Variants in MAPK10 observed in about 807,000 individuals in gnomAD.
MAPK10 encodes the protein JNK3 alpha protein kinase.
In MAPK10, 25 loss-of-function variants were observed where a neutral mutation model predicts 59.3. The ratio of observed to expected loss-of-function variants is 0.42; its 90% CI spans 0.31 to 0.59. The LOEUF (loss-of-function observed/expected upper bound fraction) is 0.59, where lower values mean the gene tolerates loss of function less well. Among genes scored for constraint, MAPK10 ranks in the 20% least tolerant of loss-of-function variants. The pLI is 0.15. For missense variants in MAPK10, 351 were observed against 568.9 expected, an observed-to-expected ratio of 0.62 and a Z score of 3.90; for synonymous variants, 190 against 200.5, an observed-to-expected ratio of 0.95 and a Z score of 0.44.
chr4:86,065,538 T>A (rs1194863108), intron 10 of MAPK10: 3 of 152,196 alleles, frequency 2.0e-5, no homozygotes, highest in African/African-American at 4.8e-5. Context: ...AATATGTAAA[T>A]TTTTTAAATT....
intron 1 of MAPK10, among the ~76,000 whole-genome samples, chr4:86,374,616 A>C (rs1211727084): frequency 1.3e-5 from 2 of 152,204 alleles, no homozygotes; most frequent in Non-Finnish European, 2.9e-5. Flanking sequence ...TGGCATACAC[A>C]GCTTTTTAAA....
At chr4:86,271,675 T>G (rs1157929923) in intron 2 of MAPK10, among the ~76,000 whole-genome samples, 2 of 151,966 alleles carry the variant, frequency 1.3e-5, no homozygotes, top group East Asian at 3.9e-4. Context: ...TTGGGAGGCC[T>G]CAGGAATCTT....
intron 1 of MAPK10, among the ~76,000 whole-genome samples, chr4:86,525,956 T>C (rs1011290237): frequency 1.3e-5 from 2 of 152,128 alleles, no homozygotes; most frequent in Non-Finnish European, 2.9e-5. Flanking sequence ...GGCAATAGCT[T>C]TCAAAAGATA....
chr4:86,315,744 T>G (rs1189582939), intron 2 of MAPK10, among the ~76,000 whole-genome samples: 2 of 152,090 alleles, frequency 1.3e-5, no homozygotes, highest in Non-Finnish European at 2.9e-5. Context: ...ATAACCAAAA[T>G]TATATAACCT....
intron 2 of MAPK10, among the ~76,000 whole-genome samples, chr4:86,243,990 G>A (rs1387837176): frequency 3.3e-5 from 5 of 152,112 alleles, no homozygotes; most frequent in Non-Finnish European, 7.3e-5. Context: ...TTCATTTTGA[G>A]TAACACTAAG....
At chr4:86,427,329 T>C (rs1396979811) in intron 1 of MAPK10, among the ~76,000 whole-genome samples, 1 of 151,884 alleles carries the variant, frequency 6.6e-6, no homozygotes, top group African/African-American at 2.4e-5. Context: ...ATGCAGATTA[T>C]CTATGTCACT....
intron 3 of MAPK10, among the ~76,000 whole-genome samples, chr4:86,169,037 G>A (rs1433340923): frequency 6.6e-6 from 1 of 152,028 alleles, no homozygotes; most frequent in East Asian, 1.9e-4. Context: ...CAAACAGAAA[G>A]GACATCCACA....
chr4:86,168,007 G>C lies in MAPK10; in HGVS notation c.67-8540C>G, dbSNP rs577649401. On this transcript the variant is annotated intron_variant, in intron 3 of 13. Coordinates refer to ENST00000641462, the MANE Select transcript of MAPK10 (RefSeq NM_138982.4). Reference sequence around the variant, plus strand: ...TTGTCTCAGCCAAAAAGCTTATTAAGCTGATAAGCAACTTCAGCAAAGTCT... The same window carrying C: ...TTGTCTCAGCCAAAAAGCTTATTAACCTGATAAGCAACTTCAGCAAAGTCT... 1.1e-4 allele frequency among the ~76,000 whole-genome samples: 16 copies of C among 152,322 alleles called. No homozygotes were observed. In the East Asian group the frequency reaches 3.1e-3, roughly 29 times the overall value.
intron 1 of MAPK10, among the ~76,000 whole-genome samples, chr4:86,586,685 G>A (rs1412701495): frequency 2.0e-5 from 3 of 152,288 alleles, no homozygotes; most frequent in South Asian, 2.1e-4. Flanking sequence ...GTTTTGGTTC[G>A]GGTAGAGCCT....
intron 3 of MAPK10, among the ~76,000 whole-genome samples, chr4:86,172,489 C>A (rs1392054471): frequency 6.6e-6 from 1 of 151,132 alleles, no homozygotes; most frequent in African/African-American, 2.5e-5. Flanking sequence ...AAACCAAACA[C>A]CGCATGTTCT....
intron 2 of MAPK10, among the ~76,000 whole-genome samples, chr4:86,261,239 C>A (rs73834261): frequency 2.0e-5 from 3 of 152,152 alleles, no homozygotes; most frequent in Non-Finnish European, 4.4e-5. Context: ...TAATTCATCA[C>A]GTAATTGTTG....
chr4:86,571,741 C>T (rs974420255), intron 1 of MAPK10, among the ~76,000 whole-genome samples: 20 of 152,098 alleles, frequency 1.3e-4, no homozygotes, highest in African/African-American at 4.8e-4. Flanking sequence ...TATCTCCTGA[C>T]AACCTTACAC....
At chr4:86,548,347 G>T (rs190984994) in intron 1 of MAPK10, among the ~76,000 whole-genome samples, 2 of 152,012 alleles carry the variant, frequency 1.3e-5, no homozygotes, top group East Asian at 3.9e-4. Flanking sequence ...AACAAACTCC[G>T]GACATGCCAC....
At chr4:86,154,533 G>A (rs2067227688) in intron 4 of MAPK10, among the ~76,000 whole-genome samples, 1 of 152,078 alleles carries the variant, frequency 6.6e-6, no homozygotes, top group South Asian at 2.1e-4. Context: ...TACATGTGCT[G>A]ACCTTTACAA....
intron 2 of MAPK10, among the ~76,000 whole-genome samples, chr4:86,233,919 C>A (rs17011575): frequency 0.016 from 2,428 of 152,266 alleles, 77 homozygotes; most frequent in African/African-American, 0.055. Flanking sequence ...TGCATTCCAA[C>A]ATGACACTGA....
rs188151409 is a variant in MAPK10, at chr4:86,463,754, A to G, written c.-262-109110T>C. 4.1e-3 allele frequency among the ~76,000 whole-genome samples: 621 copies of G among 152,298 alleles called. 7 individuals are homozygous for G. Among genetic ancestry groups the G allele is most frequent in the South Asian group, 3.5e-3 (17 of 4,826 alleles). On this transcript the variant is annotated intron_variant, in intron 1 of 4. Transcript: ENST00000502302. ...GGCATTCCTACCTATGCCATGAGTA[A>G]TCTATTTTCTATCCTTAGAGGAGAT... is the stretch of plus-strand genomic sequence containing the variant.
At chr4:86,194,171 A>C in intron 3 of MAPK10, 165 bp downstream of exon 3, 1 of 615,842 alleles carries the variant, frequency 1.6e-6, no homozygotes, top group East Asian at 2.7e-5. Flanking sequence ...TGGGAGCTGG[A>C]GACTGGGGCT....
At chr4:86,551,665 C>T (rs112862698) in intron 1 of MAPK10, among the ~76,000 whole-genome samples, 2 of 151,636 alleles carry the variant, frequency 1.3e-5, no homozygotes, top group Admixed American at 6.6e-5. Flanking sequence ...GAGTGCAGTG[C>T]TGCGATCTTG....
intron 1 of MAPK10, among the ~76,000 whole-genome samples, chr4:86,548,198 G>A (rs942477615): frequency 1.3e-5 from 2 of 152,050 alleles, no homozygotes; most frequent in Non-Finnish European, 2.9e-5. Flanking sequence ...AACCCACCGG[G>A]AGGAACAAAC....
Sources: gnomAD v4.1 joint callset for allele counts (sites outside exome capture counted in the v4.1 genomes callset) on GRCh38, gnomAD v4.1.1 for gene constraint, MANE v1.5 for transcripts, NCBI Gene and HGNC (gene_info 2026-07-23, HGNC 2026-07-21) for gene names.